The following CXorf66 variants were observed in gnomAD, a reference collection of about 807,000 sequenced individuals.
CXorf66 encodes uncharacterized protein CXorf66.
In CXorf66, 6 loss-of-function variants were observed where a neutral mutation model predicts 5.0. The ratio of observed to expected loss-of-function variants is 1.20; its 90% CI spans 0.65 to 2.36. The LOEUF is 2.36. CXorf66 is among the 30% of genes most tolerant of loss of function. The pLI is 0.00. For synonymous variants in CXorf66, 98 were observed against 102.8 expected (o/e 0.95, Z 0.28); for missense variants, 270 against 254.9 (o/e 1.06, Z -0.40).
chrX:139,958,023 A>T (rs758330956), intron 2 of CXorf66, 41 bp downstream of exon 2: 1 of 1,146,684 alleles, frequency 8.7e-7, no homozygotes, highest in Admixed American at 2.7e-5. Context: ...ATGTACACAC[A>T]CACACACCTC....
chrX:139,956,844 T>A lies in CXorf66; in HGVS notation c.243-105A>T. 6.3e-6 allele frequency: 5 copies of A among 798,628 alleles called. No individual in the cohort carries two copies. The South Asian group carries it at 1.3e-4, about 21-fold the overall frequency. 65.8% of individuals were successfully genotyped at this position (798,628 alleles called of 1,213,427 possible). ...GCTTAGACCTGTGGTCTTTTGGGGC[T>A]TTAATATGAAAACTGAACACAGTAA... is the stretch of plus-strand genomic sequence containing the variant. On this transcript the variant is annotated intron_variant, in intron 2 of 2. Transcript: ENST00000370540.
At chrX:139,958,650 TC>T (rs2085582631) in intron 1 of CXorf66, among the ~76,000 whole-genome samples, 1 of 111,559 alleles carries the variant, frequency 9.0e-6, no homozygotes, top group Non-Finnish European at 1.9e-5. Flanking sequence ...GGTCTGCAGC[TC>T]CCAGCGAGAC....
intron 1 of CXorf66, among the ~76,000 whole-genome samples, chrX:139,960,031 A>G (rs1431189887): frequency 9.0e-6 from 1 of 111,061 alleles, no homozygotes; most frequent in Non-Finnish European, 1.9e-5. Context: ...CCAAATGATC[A>G]CAACTCCTCT....
chrX:139,955,825 A>G lies in CXorf66; in HGVS notation c.*71T>C. On this transcript the variant is annotated 3_prime_UTR_variant, in exon 3 of 3. Coordinates refer to ENST00000370540, the MANE Select transcript of CXorf66 (RefSeq NM_001013403.3). ...GATTTTTCCCTCTACTGGTTTCTTA[A>G]GGGATGATGAGCATAAAATAGTTGG... The G allele has an allele frequency of 9.9e-7, 1 of 1,005,962 alleles. No homozygotes were observed. Among genetic ancestry groups the G allele is most frequent in the Non-Finnish European group, 1.3e-6 (1 of 752,522 alleles). 82.9% of individuals were successfully genotyped at this position (1,005,962 alleles called of 1,213,427 possible).
intron 1 of CXorf66, among the ~76,000 whole-genome samples, chrX:139,960,844 A>G (rs1347847734): frequency 9.0e-6 from 1 of 111,714 alleles, no homozygotes; most frequent in Non-Finnish European, 1.9e-5. Flanking sequence ...TCATAAATGA[A>G]AGAGAAATAA....
chrX:139,961,513 A>T lies in CXorf66; in HGVS notation c.89-3296T>A, dbSNP rs1481665092. Among the ~76,000 whole-genome samples the T allele has an allele frequency of 3.6e-5, 4 of 112,030 alleles. No homozygotes were observed. The East Asian group carries it at 1.1e-3, about 31-fold the overall frequency. On this transcript the variant is annotated intron_variant, in intron 1 of 2. Coordinates refer to ENST00000370540, the MANE Select transcript of CXorf66 (RefSeq NM_001013403.3). ...TTTAACATCCCACTGTCAATATTAG[A>T]CAGATCAATGAGACAGAAAATTAAC...
Position 139,956,650 on chromosome X carries a change from G to T in CXorf66, c.332C>A (p.Pro111His). 2.1e-5 allele frequency: 26 copies of T among 1,211,251 alleles called. No homozygotes were observed. The highest frequency in any genetic ancestry group is 2.9e-5 in the Non-Finnish European group (26 of 895,082). The change falls in exon 3 of 3, where the codon CCC becomes CAC. Residue 111 changes from proline (P) to histidine (H), a missense_variant. Pro to His is a moderately conservative substitution (Grantham distance 77). Transcript: ENST00000370540. ...TGACTTGTCTGCAGTAGATAGCATG[G>T]GTTGTGTTTCTGGACTGCATTGAGA... ...TASQCSPETQ[P>H]MLSTADKSSD...
intron 1 of CXorf66, among the ~76,000 whole-genome samples, chrX:139,959,118 G>A (rs1039947769): frequency 9.0e-6 from 1 of 111,658 alleles, no homozygotes; most frequent in Non-Finnish European, 1.9e-5. Flanking sequence ...ACGTGGTCTC[G>A]CTCAGCAGAT....
intron 2 of CXorf66, 135 bp from the exon 3 acceptor site, chrX:139,956,874 C>G (rs926844984): frequency 1.7e-6 from 1 of 603,529 alleles, no homozygotes; most frequent in African/African-American, 2.3e-5. Context: ...CAGTAAGAAT[C>G]GGAGTGTGAC....
rs907665130 is a variant in CXorf66, at chrX:139,958,165, A to G, written c.141T>C (p.Asn47=). Residue 47 remains asparagine, a synonymous_variant, in exon 2 of 3, where the codon AAT becomes AAC. Transcript: ENST00000370540. Reference sequence around the variant, plus strand: ...TGATAATACCAACTAAAATGAGTAGATTTCTTCTAAGGTAGTTCAATTTTG... The same window carrying G: ...TGATAATACCAACTAAAATGAGTAGGTTTCTTCTAAGGTAGTTCAATTTTG... ...MQTKLNYLRR[N]LLILVGIIIM... 1 of 1,199,208 alleles carries G rather than the reference A, an allele frequency of 8.3e-7. No homozygotes were observed. Among genetic ancestry groups the G allele is most frequent in the Admixed American group, 2.2e-5 (1 of 44,707 alleles).
intron 1 of CXorf66, among the ~76,000 whole-genome samples, chrX:139,964,631 T>C (rs1372175295): frequency 9.0e-6 from 1 of 111,640 alleles, no homozygotes; most frequent in Non-Finnish European, 1.9e-5. Flanking sequence ...ATTGCAGCAC[T>C]ATTTACAATA....
At chrX:139,963,641 C>CTGATCTTTGACAAACCTGACAAA (rs1569496477) in intron 1 of CXorf66, among the ~76,000 whole-genome samples, 7 of 105,104 alleles carry the variant, frequency 6.7e-5, no homozygotes, top group African/African-American at 1.4e-4. Context: ...CTGGAGGCAT[C>CTGATCTTTGACAAACCTGACAAA]ACTCTACCTT....
At position 139,956,223 on chromosome X, in the gene CXorf66, C is replaced by T; in HGVS notation, c.759G>A (p.Arg253=). ...FNPKRSVSLG[R]AALLSNSELA... Reference sequence around the variant, plus strand: ...ATTCAGAGTTGGATAATAAGGCTGCCCTGCCTAGACTCACTGACCTTTTTG... The same window carrying T: ...ATTCAGAGTTGGATAATAAGGCTGCTCTGCCTAGACTCACTGACCTTTTTG... Residue 253 remains arginine, a synonymous_variant, in exon 3 of 3, where the codon AGG becomes AGA. Transcript: ENST00000370540. 1 of 1,211,389 alleles carries T rather than the reference C, an allele frequency of 8.3e-7. No homozygotes were observed. The highest frequency in any genetic ancestry group is 3.0e-5 in the East Asian group (1 of 33,829).
In CXorf66 at chrX:139,955,945, C is replaced by G; in HGVS notation, c.1037G>C (p.Cys346Ser). The part of the protein sequence containing the change: ...VDSDKVIIIT[C>S]DRGYNQVTSE... ...GGTGACTTGATTGTACCCTCTGTCA[C>G]ACGTAATGATTATAACTTTATCACT... The change falls in exon 3 of 3, where the codon TGT becomes TCT. Residue 346 changes from cysteine (C) to serine (S), a missense_variant. Coordinates refer to ENST00000370540, the MANE Select transcript of CXorf66 (RefSeq NM_001013403.3). The G allele has an allele frequency of 8.3e-7, 1 of 1,205,756 alleles. No individual in the cohort carries two copies. The highest frequency in any genetic ancestry group is 1.7e-5 in the African/African-American group (1 of 57,552).
At chrX:139,959,341 A>G (rs1039978792) in intron 1 of CXorf66, among the ~76,000 whole-genome samples, 1 of 111,801 alleles carries the variant, frequency 8.9e-6, no homozygotes, top group Non-Finnish European at 1.9e-5. Context: ...CTGCAAAGCA[A>G]CTGTGGCCAG....
chrX:139,959,882 C>G (rs1037421537), intron 1 of CXorf66, among the ~76,000 whole-genome samples: 2 of 111,675 alleles, frequency 1.8e-5, no homozygotes, highest in Non-Finnish European at 3.8e-5. Flanking sequence ...ATATCAACAT[C>G]AACAAAAAGG....
intron 1 of CXorf66, among the ~76,000 whole-genome samples, chrX:139,964,132 C>A (rs773823388): frequency 8.9e-6 from 1 of 111,932 alleles, no homozygotes; most frequent in African/African-American, 3.2e-5. Context: ...ACGCAACCTA[C>A]AGAATGGGAG....
intron 1 of CXorf66, 71 bp downstream of exon 1, chrX:139,965,338 G>A (rs977278474): frequency 4.4e-5 from 32 of 728,109 alleles, no homozygotes; most frequent in Admixed American, 1.9e-4. Context: ...TACAGCTGGC[G>A]TTTCTAATTA....
Position 139,956,290 on chromosome X carries a change from A to G in CXorf66, c.692T>C (p.Phe231Ser), listed in dbSNP as rs747776154. The G allele has an allele frequency of 9.1e-6, 11 of 1,209,872 alleles. No individual in the cohort carries two copies. The East Asian group carries it at 3.3e-4, about 36-fold the overall frequency. ...AGGCTTAGCCAATTCCTGTGGACCG[A>G]ATGGCTTGGATGGTGAGATTTCATT... The part of the protein sequence containing the change: ...PQNEISPSKP[F>S]GPQELAKPPK... The change falls in exon 3 of 3, where the codon TTC becomes TCC. Residue 231 changes from phenylalanine to serine, a missense_variant. Transcript: ENST00000370540.
Sources: gnomAD v4.1 joint callset for allele counts (sites outside exome capture counted in the v4.1 genomes callset) on GRCh38, gnomAD v4.1.1 for gene constraint, MANE v1.5 for transcripts, NCBI Gene and HGNC (gene_info 2026-07-23, HGNC 2026-07-21) for gene names.